UNC13C: variants seen among roughly 807,000 people sequenced by gnomAD.
The protein encoded by UNC13C is unc-13 homolog C.
In UNC13C, 174 loss-of-function variants were observed where a neutral mutation model predicts 245.4. That is an observed-to-expected ratio of 0.71 (90% CI 0.63 to 0.80). The LOEUF (loss-of-function observed/expected upper bound fraction) is 0.80. Ranked by LOEUF, UNC13C falls within the 30% of genes least tolerant of loss-of-function variation. The pLI is 0.00. For synonymous variants in UNC13C, 992 were observed against 895.1 expected (o/e 1.11, Z -1.93); for missense variants, 2,829 against 2,602.9 (o/e 1.09, Z -1.89).
intron 25 of UNC13C, among the ~76,000 whole-genome samples, chr15:54,526,819 G>A (rs1343892967): frequency 6.6e-6 from 1 of 150,654 alleles, no homozygotes; most frequent in Non-Finnish European, 1.5e-5. Context: ...ACCTGTTGTT[G>A]TGTTTTAGAA....
At chr15:54,052,477 C>T (rs1214017143) in intron 2 of UNC13C, among the ~76,000 whole-genome samples, 1 of 151,960 alleles carries the variant, frequency 6.6e-6, no homozygotes, top group Non-Finnish European at 1.5e-5. Flanking sequence ...GATGGTATCT[C>T]ATTGTGGTTT....
intron 19 of UNC13C, among the ~76,000 whole-genome samples, chr15:54,458,574 T>G (rs557444469): frequency 3.9e-4 from 60 of 152,082 alleles, no homozygotes; most frequent in African/African-American, 1.4e-3. Flanking sequence ...GGATCTCCAG[T>G]GTTAGATGTG....
At chr15:54,616,103 C>T (rs375385999) in intron 30 of UNC13C, among the ~76,000 whole-genome samples, 1 of 152,000 alleles carries the variant, frequency 6.6e-6, no homozygotes, top group Non-Finnish European at 1.5e-5. Context: ...GGTGACTTAC[C>T]TCATGGATTT....
At chr15:54,549,530 G>C (rs2141181422) in intron 27 of UNC13C, 105 bp from the exon 28 acceptor site, 1 of 872,132 alleles carries the variant, frequency 1.1e-6, no homozygotes, top group South Asian at 1.8e-5. Flanking sequence ...TAAGCCATAA[G>C]TCTTATAAGG....
At chr15:54,481,046 G>T (rs1893077812) in intron 19 of UNC13C, among the ~76,000 whole-genome samples, 1 of 152,186 alleles carries the variant, frequency 6.6e-6, no homozygotes, top group Non-Finnish European at 1.5e-5. Flanking sequence ...TATTGGTTTG[G>T]TAGGATGCTT....
intron 13 of UNC13C, among the ~76,000 whole-genome samples, chr15:54,316,419 C>T (rs917270754): frequency 2.6e-5 from 4 of 151,904 alleles, no homozygotes; most frequent in Non-Finnish European, 5.9e-5. Flanking sequence ...GCTTGGCTAT[C>T]TCTTAGTCAT....
intron 1 of UNC13C, among the ~76,000 whole-genome samples, chr15:53,992,094 T>G (rs2616915): frequency 0.44 from 67,256 of 151,922 alleles, 17,886 homozygotes; most frequent in Admixed American, 0.62. Flanking sequence ...TTTTAAGAAT[T>G]ACTCTCGTTT....
intron 10 of UNC13C, among the ~76,000 whole-genome samples, chr15:54,268,357 T>C (rs2036600651): frequency 6.6e-6 from 1 of 152,130 alleles, no homozygotes; most frequent in African/African-American, 2.4e-5. Context: ...ACATGCAGTA[T>C]TTATGATAAC....
At chr15:54,514,024 C>G (rs1317159722) in intron 24 of UNC13C, among the ~76,000 whole-genome samples, 1 of 152,064 alleles carries the variant, frequency 6.6e-6, no homozygotes, top group African/African-American at 2.4e-5. Context: ...TGTGTCCTCC[C>G]AGAAAATAGA....
rs1323404953 is a variant in UNC13C at position 54,413,643 on chromosome 15, AC to A, written c.4848-1338del. 1.3e-4 allele frequency among the ~76,000 whole-genome samples: 20 copies of A among 152,326 alleles called. No individual in the cohort carries two copies. The East Asian group carries it at 2.3e-3, about 18-fold the overall frequency. On this transcript the variant is annotated intron_variant, in intron 18 of 32. Transcript: ENST00000260323. ...GTTTTAAAATCGAATGCCTTATTAGACAAATTGATAAAATTGGCAGTCAGTA... is the reference window on the plus strand; with the variant it reads ...GTTTTAAAATCGAATGCCTTATTAGAAAATTGATAAAATTGGCAGTCAGTA...
chr15:53,959,550 T>C, the UNC13C span, among the ~76,000 whole-genome samples: 1 of 152,150 alleles, frequency 6.6e-6, no homozygotes. Context: ...TTTAACTCTG[T>C]TGATTTTTCA....
chr15:54,410,077 G>A (rs1291148772), intron 18 of UNC13C, among the ~76,000 whole-genome samples: 1 of 152,168 alleles, frequency 6.6e-6, no homozygotes, highest in Admixed American at 6.5e-5. Flanking sequence ...TCTGACCAAT[G>A]TGAGATAATA....
intron 17 of UNC13C, among the ~76,000 whole-genome samples, chr15:54,375,148 T>C (rs929502376): frequency 2.0e-5 from 3 of 152,220 alleles, no homozygotes; most frequent in Non-Finnish European, 4.4e-5. Flanking sequence ...TTAGGATATG[T>C]GTGTAATTGA....
chr15:54,568,234 A>G (rs1897601270), intron 30 of UNC13C, among the ~76,000 whole-genome samples: 1 of 152,130 alleles, frequency 6.6e-6, no homozygotes. Context: ...AGTAAAATCT[A>G]CTTTTTAATA....
intron 30 of UNC13C, among the ~76,000 whole-genome samples, chr15:54,613,529 A>G (rs1900238634): frequency 6.6e-6 from 1 of 151,966 alleles, no homozygotes; most frequent in Admixed American, 6.6e-5. Flanking sequence ...TAGTGTTTTC[A>G]AATATTAACG....
At chr15:54,264,815 A>G (rs1308740244) in intron 9 of UNC13C, among the ~76,000 whole-genome samples, 1 of 151,920 alleles carries the variant, frequency 6.6e-6, no homozygotes. Flanking sequence ...ATTTGAGTTT[A>G]ATGATATCTA....
chr15:54,308,799 T>C (rs1403029032), intron 13 of UNC13C, among the ~76,000 whole-genome samples: 3 of 151,778 alleles, frequency 2.0e-5, no homozygotes, highest in East Asian at 3.9e-4. Flanking sequence ...TTTAACATAA[T>C]GTTCTCCATG....
At chr15:54,050,467 A>G (rs921569240) in intron 2 of UNC13C, 1 of 549,914 alleles carries the variant, frequency 1.8e-6, no homozygotes, top group Non-Finnish European at 3.7e-6. Flanking sequence ...TGATCTAAGC[A>G]TCCAAGTCTT....
chr15:54,550,152 C>G (rs75338046), intron 28 of UNC13C, among the ~76,000 whole-genome samples: 5,055 of 152,170 alleles, frequency 0.033, 272 homozygotes, highest in African/African-American at 0.12. Context: ...AGTCCCTGTT[C>G]CTCTAGCATA....
Sources: allele counts gnomAD v4.1 joint callset (sites outside exome capture counted in the v4.1 genomes callset), GRCh38; gene constraint gnomAD v4.1.1; transcripts MANE v1.5; gene names NCBI Gene and HGNC (gene_info 2026-07-23, HGNC 2026-07-21).